ZNF385D: variants seen among roughly 807,000 people sequenced by gnomAD.
The protein encoded by ZNF385D is zinc finger protein 659.
In ZNF385D, 15 loss-of-function variants were observed where a neutral mutation model predicts 35.8. That is an observed-to-expected ratio of 0.42 (90% CI 0.28 to 0.64). The LOEUF is 0.64. ZNF385D is among the 30% of genes least tolerant of loss of function. The pLI is 0.23. For synonymous variants in ZNF385D, 212 were observed against 186.8 expected (o/e 1.13, Z -1.10); for missense variants, 474 against 494.6 (o/e 0.96, Z 0.39).
Position 21,543,884 on chromosome 3 carries a change from G to T in ZNF385D, c.276+20690C>A, listed in dbSNP as rs146466686. ...CTGAGGGCATGGCTTGTAACTGGTG[G>T]CAAGGCTTTGTTTAGCAATCCTGCC... is the stretch of plus-strand genomic sequence containing the variant. On this transcript the variant is annotated intron_variant, in intron 3 of 7. Coordinates refer to ENST00000281523, the MANE Select transcript of ZNF385D (RefSeq NM_024697.3). Among the ~76,000 whole-genome samples, 545 of 152,268 alleles carry T rather than the reference G, an allele frequency of 3.6e-3. 3 individuals carry two copies. Among genetic ancestry groups the T allele is most frequent in the African/African-American group, 0.013 (520 of 41,554 alleles).
At chr3:21,603,690 A>C (rs1189859815) in intron 2 of ZNF385D, among the ~76,000 whole-genome samples, 2 of 152,204 alleles carry the variant, frequency 1.3e-5, no homozygotes, top group Non-Finnish European at 2.9e-5. Context: ...TGAAAGTATA[A>C]CAAAAAAAGT....
At position 22,116,531 on chromosome 3, in the gene ZNF385D, A is replaced by C. The variant is rs1409983375; in HGVS notation, c.325+52286T>G. ...AAAAGTGGGTGAAGAAAACAGAAAA[A>C]AGAGAAAATGTATAGAAAGGAGAAG... On this transcript the variant is annotated intron_variant, in intron 3 of 5. Coordinates refer to the ZNF385D transcript ENST00000494108. Among the ~76,000 whole-genome samples the C allele has an allele frequency of 5.9e-5, 9 of 152,108 alleles. No homozygotes were observed. The East Asian group carries it at 1.7e-3, about 29-fold the overall frequency.
chr3:21,735,629 G>A (rs1302117585), intron 1 of ZNF385D, among the ~76,000 whole-genome samples: 2 of 152,148 alleles, frequency 1.3e-5, no homozygotes, highest in African/African-American at 4.8e-5. Flanking sequence ...ACGCTAGACT[G>A]ATTTCTACAC....
intron 2 of ZNF385D, among the ~76,000 whole-genome samples, chr3:21,608,269 A>T (rs1351966847): frequency 6.6e-6 from 1 of 152,082 alleles, no homozygotes; most frequent in African/African-American, 2.4e-5. Context: ...TTGGCCTCCT[A>T]AAGTGCTGGG....
At chr3:22,341,986 C>A (rs1194228949) in intron 2 of ZNF385D, among the ~76,000 whole-genome samples, 2 of 152,028 alleles carry the variant, frequency 1.3e-5, no homozygotes, top group African/African-American at 2.4e-5. Flanking sequence ...AATTAAAAGA[C>A]TGAATGAGGC....
At chr3:22,197,580 C>A (rs1696503505) in intron 2 of ZNF385D, among the ~76,000 whole-genome samples, 1 of 152,102 alleles carries the variant, frequency 6.6e-6, no homozygotes, top group African/African-American at 2.4e-5. Context: ...TGGGCCCTTA[C>A]TCCTAGAGTG....
rs71044975 is a variant in ZNF385D, at chr3:22,127,317, C to CTTTTTTT, written c.325+41493_325+41499dup. Reference sequence around the variant, plus strand: ...TCTGGTAGTATGTTTTCATTTCCTGCTTTTTTTTTTTTTTTTTTTTTTTTT... The same window carrying CTTTTTTT: ...TCTGGTAGTATGTTTTCATTTCCTGCTTTTTTTTTTTTTTTTTTTTTTTTTTTTTTTT... On this transcript the variant is annotated intron_variant, in intron 3 of 5. Transcript: ENST00000494108. Among the ~76,000 whole-genome samples the CTTTTTTT allele has an allele frequency of 2.7e-4, 15 of 56,336 alleles. 1 individual carries two copies. Among genetic ancestry groups the CTTTTTTT allele is most frequent in the South Asian group, 6.2e-4 (1 of 1,602 alleles). The allele number at this position is 56,336 out of a possible 152,430, so 37.0% of individuals were successfully genotyped here. A position where few individuals can be genotyped will look rare whatever the true frequency, so the allele number is the denominator to read the frequency against.
intron 3 of ZNF385D, among the ~76,000 whole-genome samples, chr3:22,057,210 T>G (rs1435775919): frequency 6.6e-6 from 1 of 152,220 alleles, no homozygotes; most frequent in Non-Finnish European, 1.5e-5. Flanking sequence ...CTTGGGCAAG[T>G]TAATTAAATT....
intron 3 of ZNF385D, among the ~76,000 whole-genome samples, chr3:21,857,500 A>T (rs1480306854): frequency 6.6e-6 from 1 of 152,004 alleles, no homozygotes; most frequent in Admixed American, 6.6e-5. Flanking sequence ...GGAAATTAAC[A>T]AGGGATTTGT....
intron 3 of ZNF385D, among the ~76,000 whole-genome samples, chr3:21,976,267 T>A (rs143744392): frequency 3.9e-5 from 6 of 152,024 alleles, no homozygotes; most frequent in African/African-American, 1.4e-4. Flanking sequence ...TATTAAGTAA[T>A]AGGACCAGAA....
chr3:21,583,048 G>A (rs1483354358), intron 2 of ZNF385D, among the ~76,000 whole-genome samples: 1 of 152,140 alleles, frequency 6.6e-6, no homozygotes, highest in Non-Finnish European at 1.5e-5. Flanking sequence ...TTACAGGCAT[G>A]AGCCACTGCA....
At chr3:21,601,279 T>C (rs1008007129) in intron 2 of ZNF385D, among the ~76,000 whole-genome samples, 5 of 152,180 alleles carry the variant, frequency 3.3e-5, no homozygotes, top group South Asian at 2.1e-4. Context: ...TGTTAAACCA[T>C]AGGCCAGGAC....
chr3:22,225,253 C>A (rs1698483931), intron 2 of ZNF385D, among the ~76,000 whole-genome samples: 1 of 152,050 alleles, frequency 6.6e-6, no homozygotes, highest in East Asian at 1.9e-4. Flanking sequence ...GTAGCAGACA[C>A]TGTTGGTGCC....
At chr3:22,056,380 G>C (rs890739705) in intron 3 of ZNF385D, among the ~76,000 whole-genome samples, 8 of 151,766 alleles carry the variant, frequency 5.3e-5, no homozygotes, top group Non-Finnish European at 1.2e-4. Flanking sequence ...TTAGTTTAGG[G>C]GCTGTCTATT....
intron 3 of ZNF385D, among the ~76,000 whole-genome samples, chr3:22,113,368 A>G (rs1702639056): frequency 6.6e-6 from 1 of 152,066 alleles, no homozygotes; most frequent in African/African-American, 2.4e-5. Flanking sequence ...TTTCAACTAT[A>G]CTACCTTATA....
intron 2 of ZNF385D, among the ~76,000 whole-genome samples, chr3:22,346,176 C>G (rs772743763): frequency 4.6e-5 from 7 of 152,122 alleles, no homozygotes; most frequent in Non-Finnish European, 2.9e-5. Flanking sequence ...GCCTTTATGC[C>G]TATAGAATGA....
chr3:22,124,697 G>A (rs577052669), intron 3 of ZNF385D, among the ~76,000 whole-genome samples: 1 of 152,024 alleles, frequency 6.6e-6, no homozygotes, highest in South Asian at 2.1e-4. Flanking sequence ...TCATATATTT[G>A]TTTGCTATTT....
At chr3:21,861,871 C>A (rs894263344) in intron 3 of ZNF385D, among the ~76,000 whole-genome samples, 1 of 152,042 alleles carries the variant, frequency 6.6e-6, no homozygotes, top group African/African-American at 2.4e-5. Flanking sequence ...TTGACACACA[C>A]AGTCACAACC....
intron 2 of ZNF385D, among the ~76,000 whole-genome samples, chr3:21,605,105 C>T (rs2064437147): frequency 6.6e-6 from 1 of 151,964 alleles, no homozygotes; most frequent in Admixed American, 6.6e-5. Flanking sequence ...AAATGAAAGG[C>T]ATGTATGGAG....
Sources: gnomAD v4.1 joint callset for allele counts (sites outside exome capture counted in the v4.1 genomes callset) on GRCh38, gnomAD v4.1.1 for gene constraint, MANE v1.5 for transcripts, NCBI Gene and HGNC (gene_info 2026-07-23, HGNC 2026-07-21) for gene names.